Variants in WDFY1 observed in about 807,000 individuals in gnomAD.
WDFY1 encodes WD repeat and FYVE domain containing 1, also known as WD repeat and FYVE domain-containing protein 1.
A neutral mutation model predicts 56.4 loss-of-function variants in WDFY1; 32 were observed. That is an observed-to-expected ratio of 0.57 (90% CI 0.43 to 0.76). The LOEUF is 0.76. Among genes scored for constraint, WDFY1 ranks in the 30% least tolerant of loss-of-function variants. WDFY1 has a pLI of 0.00. For missense variants in WDFY1, 480 were observed against 545.7 expected, an observed-to-expected ratio of 0.88 and a Z score of 1.20; for synonymous variants, 192 against 197.3, an observed-to-expected ratio of 0.97 and a Z score of 0.23.
intron 1 of WDFY1, among the ~76,000 whole-genome samples, chr2:223,942,964 C>T (rs1360407312): frequency 6.6e-6 from 1 of 151,018 alleles, no homozygotes; most frequent in Non-Finnish European, 1.5e-5. Context: ...GGGTGGATCA[C>T]GAGGTCAGGA....
chr2:223,917,034 G>A (rs771587255), intron 2 of WDFY1, among the ~76,000 whole-genome samples: 2 of 151,828 alleles, frequency 1.3e-5, no homozygotes, highest in Non-Finnish European at 2.9e-5. Context: ...GGCTGGTCTC[G>A]AACTCCCAAC....
At chr2:223,889,351 C>A (rs1008588388) in intron 8 of WDFY1, among the ~76,000 whole-genome samples, 1 of 152,200 alleles carries the variant, frequency 6.6e-6, no homozygotes, top group Non-Finnish European at 1.5e-5. Flanking sequence ...GACTCAACTT[C>A]TCTGTGCCTA....
At position 223,945,335 on chromosome 2, in the gene WDFY1, C is replaced by T. The variant is rs757550084; in HGVS notation, c.-51G>A. The T allele has an allele frequency of 2.0e-6, 3 of 1,496,820 alleles. No homozygotes were observed. Among genetic ancestry groups the T allele is most frequent in the Non-Finnish European group, 2.6e-6 (3 of 1,132,790 alleles). The allele number at this position is 1,496,820 out of a possible 1,614,324, so 92.7% of individuals were successfully genotyped here. ...CCTCGGCAGGCAGCCCATCAGCTGA[C>T]GCCTGGGCGGGCGGGGGACGCGCCG... On this transcript the variant is annotated 5_prime_UTR_variant, in exon 1 of 12. Transcript: ENST00000233055.
chr2:223,902,753 ATAT>A (rs747538467), intron 4 of WDFY1, among the ~76,000 whole-genome samples: 28 of 150,254 alleles, frequency 1.9e-4, no homozygotes, highest in Non-Finnish European at 3.7e-4. Context: ...TGAAATGCAA[ATAT>A]TATTTATAAA....
At chr2:223,884,805 T>C in intron 8 of WDFY1, 56 bp from the exon 9 acceptor site, 1 of 1,482,584 alleles carries the variant, frequency 6.7e-7, no homozygotes, top group South Asian at 1.1e-5. Flanking sequence ...ACTCCCATGT[T>C]TCAAAATTAA....
At chr2:223,939,884 G>C (rs1048065631) in intron 1 of WDFY1, among the ~76,000 whole-genome samples, 5 of 152,174 alleles carry the variant, frequency 3.3e-5, no homozygotes, top group Non-Finnish European at 1.5e-5. Flanking sequence ...ACCACCCCTG[G>C]CCCAGAACCA....
rs1559168671 is a variant in WDFY1, at chr2:223,906,954, C to CTATTATTAT, written c.280-954_280-953insATAATAATA. Reference sequence around the variant, plus strand: ...AAAGAAAAATCACGAATTACTACTACCATTATTATTATTATTATTATTATT... The same window carrying CTATTATTAT: ...AAAGAAAAATCACGAATTACTACTACTATTATTATCATTATTATTATTATTATTATTATT... On this transcript the variant is annotated intron_variant, in intron 3 of 11. Coordinates refer to ENST00000233055, the MANE Select transcript of WDFY1 (RefSeq NM_020830.5). Among the ~76,000 whole-genome samples, 1,219 of 148,620 alleles carry CTATTATTAT rather than the reference C, an allele frequency of 8.2e-3. 11 individuals carry two copies. The highest frequency in any genetic ancestry group is 0.016 in the African/African-American group (630 of 39,732).
At chr2:223,911,482 T>G (rs1471761288) in intron 3 of WDFY1, among the ~76,000 whole-genome samples, 2 of 152,104 alleles carry the variant, frequency 1.3e-5, no homozygotes, top group Non-Finnish European at 2.9e-5. Flanking sequence ...TATAACAGAC[T>G]AGAAACTTGA....
intron 1 of WDFY1, among the ~76,000 whole-genome samples, chr2:223,926,991 G>GA (rs1693996169): frequency 6.6e-6 from 1 of 152,176 alleles, no homozygotes; most frequent in South Asian, 2.1e-4. Flanking sequence ...ATTTTGAAAG[G>GA]AATCTTTTTT....
chr2:223,943,217 TTGCC>T (rs1479344643), intron 1 of WDFY1, among the ~76,000 whole-genome samples: 17 of 150,638 alleles, frequency 1.1e-4, no homozygotes, highest in Admixed American at 6.6e-5. Context: ...TATTCTGTCC[TTGCC>T]TTTTTCAGGT....
chr2:223,942,527 C>CTTTTTTTTTTTTTTTT lies in WDFY1; in HGVS notation c.137+2605_137+2620dup, dbSNP rs57223015. 1.3e-4 allele frequency among the ~76,000 whole-genome samples: 10 copies of CTTTTTTTTTTTTTTTT among 74,232 alleles called. 1 individual carries two copies. Among genetic ancestry groups the CTTTTTTTTTTTTTTTT allele is most frequent in the African/African-American group, 5.6e-4 (9 of 16,178 alleles). 48.7% of individuals were successfully genotyped at this position (74,232 alleles called of 152,430 possible). ...GCCACTGCGCCTGGCCAAAGGCTAA[C>CTTTTTTTTTTTTTTTT]TTTTTTTTTTTTTTTTTTTGAGACG... On this transcript the variant is annotated intron_variant, in intron 1 of 11. Coordinates refer to ENST00000233055, the MANE Select transcript of WDFY1 (RefSeq NM_020830.5).
chr2:223,881,382 A>G (rs1693068151), intron 10 of WDFY1, among the ~76,000 whole-genome samples: 1 of 152,238 alleles, frequency 6.6e-6, no homozygotes, highest in Admixed American at 6.5e-5. Flanking sequence ...TTACTGGACC[A>G]TGTAACTTAG....
chr2:223,897,299 A>G (rs1255028727), intron 6 of WDFY1, among the ~76,000 whole-genome samples: 2 of 148,718 alleles, frequency 1.3e-5, no homozygotes, highest in African/African-American at 5.0e-5. Context: ...ACTGCAATCC[A>G]TTACAGCTTA....
In WDFY1 at chr2:223,920,437, T is replaced by G. The variant is rs1262511590; in HGVS notation, c.138-2427A>C. ...TCCTAAGAAGGAAATATTAATAACA[T>G]GTGCAGTATGCCAGGAAATATTTAC... On this transcript the variant is annotated intron_variant, in intron 1 of 11. Transcript: ENST00000233055. Among the ~76,000 whole-genome samples the G allele has an allele frequency of 2.0e-5, 3 of 152,232 alleles. No homozygotes were observed. The South Asian group carries it at 6.2e-4, about 32-fold the overall frequency.
At chr2:223,932,355 A>C (rs1172245634) in intron 1 of WDFY1, among the ~76,000 whole-genome samples, 4 of 149,260 alleles carry the variant, frequency 2.7e-5, no homozygotes, top group Admixed American at 1.3e-4. Context: ...ATCTCCTGAC[A>C]TTGTGATTCG....
chr2:223,925,293 A>C (rs1451464109), intron 1 of WDFY1, among the ~76,000 whole-genome samples: 1 of 152,070 alleles, frequency 6.6e-6, no homozygotes, highest in Non-Finnish European at 1.5e-5. Flanking sequence ...AATAAAGCAA[A>C]TGTCGCAACA....
intron 9 of WDFY1, among the ~76,000 whole-genome samples, chr2:223,883,795 G>A (rs1047311437): frequency 3.9e-5 from 6 of 152,152 alleles, no homozygotes; most frequent in Non-Finnish European, 5.9e-5. Context: ...ACAGGCGTCC[G>A]CCACCACACC....
intron 9 of WDFY1, among the ~76,000 whole-genome samples, chr2:223,883,379 T>C (rs1276650176): frequency 6.6e-6 from 1 of 152,226 alleles, no homozygotes; most frequent in Non-Finnish European, 1.5e-5. Flanking sequence ...GCACCTCTTC[T>C]CTCTTCTGTT....
At chr2:223,921,335 C>A (rs752342889) in intron 1 of WDFY1, among the ~76,000 whole-genome samples, 8 of 152,058 alleles carry the variant, frequency 5.3e-5, no homozygotes, top group Non-Finnish European at 1.2e-4. Flanking sequence ...CCTTTAGATC[C>A]ACCAACCAAT....
Sources: gnomAD v4.1 joint callset for allele counts (sites outside exome capture counted in the v4.1 genomes callset) on GRCh38, gnomAD v4.1.1 for gene constraint, MANE v1.5 for transcripts, NCBI Gene and HGNC (gene_info 2026-07-23, HGNC 2026-07-21) for gene names.